The following UNC79 variants were observed in gnomAD, a reference collection of about 807,000 sequenced individuals.
UNC79 encodes protein unc-79 homolog.
In UNC79, 37 loss-of-function variants were observed where a neutral mutation model predicts 283.1. That is an observed-to-expected ratio of 0.13 (90% confidence interval 0.10 to 0.17). The LOEUF is 0.17. Ranked by LOEUF, UNC79 falls within the 10% of genes least tolerant of loss-of-function variation. The pLI is 1.00. For missense variants in UNC79, 2,272 were observed against 3,211.1 expected (o/e 0.71, Z 7.07); for synonymous variants, 1,107 against 1,200.2 (o/e 0.92, Z 1.61).
At chr14:93,698,476 G>GATTT (rs1555408706) in intron 47 of UNC79, among the ~76,000 whole-genome samples, 131 of 79,104 alleles carry the variant, frequency 1.7e-3, no homozygotes, top group African/African-American at 3.4e-3. Context: ...TTTAGTTTAG[G>GATTT]TTTTTTTTTT....
chr14:93,637,096 A>G (rs2068571372), intron 31 of UNC79, 120 bp from the exon 35 acceptor site: 3 of 714,908 alleles, frequency 4.2e-6, no homozygotes, highest in East Asian at 5.1e-5. Context: ...GTAAATGTTA[A>G]TAATACATAG....
chr14:93,503,144 T>C (rs1370838046), intron 7 of UNC79, among the ~76,000 whole-genome samples: 1 of 152,260 alleles, frequency 6.6e-6, no homozygotes, highest in Non-Finnish European at 1.5e-5. Flanking sequence ...TTGTCTGTTT[T>C]AGAATTTTAT....
At chr14:93,676,321 A>G (rs1001430449) in intron 41 of UNC79, among the ~76,000 whole-genome samples, 1 of 152,132 alleles carries the variant, frequency 6.6e-6, no homozygotes, top group African/African-American at 2.4e-5. Context: ...TCGCCTCTCA[A>G]GGTGCTGGGA....
intron 14 of UNC79, among the ~76,000 whole-genome samples, chr14:93,567,509 G>A (rs2062963537): frequency 6.6e-6 from 1 of 152,110 alleles, no homozygotes; most frequent in Admixed American, 6.5e-5. Context: ...TTACCGGTGT[G>A]AGCCACCATG....
intron 1 of UNC79, among the ~76,000 whole-genome samples, chr14:93,341,803 C>T (rs1220359711): frequency 6.6e-6 from 1 of 152,160 alleles, no homozygotes; most frequent in African/African-American, 2.4e-5. Context: ...CCACAGTTAA[C>T]CCAACAGGGC....
chr14:93,415,878 AT>A (rs1215976036), intron 1 of UNC79, among the ~76,000 whole-genome samples: 2 of 151,858 alleles, frequency 1.3e-5, no homozygotes. Context: ...CCCCTTTATC[AT>A]TTTTTATTGC....
intron 40 of UNC79, among the ~76,000 whole-genome samples, chr14:93,671,061 T>C (rs957590713): frequency 2.0e-5 from 3 of 152,216 alleles, no homozygotes; most frequent in Non-Finnish European, 4.4e-5. Flanking sequence ...GGGGGACTGA[T>C]TGATTAATTT....
intron 1 of UNC79, among the ~76,000 whole-genome samples, chr14:93,383,320 G>A (rs577004335): frequency 1.3e-5 from 2 of 152,248 alleles, no homozygotes; most frequent in Non-Finnish European, 1.5e-5. Flanking sequence ...AAATGGTTAT[G>A]GGTGGGTAGG....
chr14:93,640,763 G>A (rs905609534), intron 32 of UNC79, among the ~76,000 whole-genome samples: 1 of 152,226 alleles, frequency 6.6e-6, no homozygotes, highest in African/African-American at 2.4e-5. Flanking sequence ...TTTTAGAAAT[G>A]CAGTATCATA....
At chr14:93,406,726 G>A (rs576806884) in intron 1 of UNC79, among the ~76,000 whole-genome samples, 3 of 152,298 alleles carry the variant, frequency 2.0e-5, no homozygotes, top group East Asian at 1.9e-4. Context: ...CACACAAAGA[G>A]CTTGGAAGTT....
intron 30 of UNC79, among the ~76,000 whole-genome samples, chr14:93,623,699 C>A (rs2067314656): frequency 6.6e-6 from 1 of 152,158 alleles, no homozygotes; most frequent in Admixed American, 6.5e-5. Flanking sequence ...TCAAGACCAT[C>A]CTGGCCAACA....
chr14:93,513,006 A>G (rs2059898249), intron 7 of UNC79, among the ~76,000 whole-genome samples: 1 of 151,916 alleles, frequency 6.6e-6, no homozygotes, highest in Non-Finnish European at 1.5e-5. Context: ...AAAGCATTGT[A>G]TTTTGTGTTT....
intron 24 of UNC79, among the ~76,000 whole-genome samples, chr14:93,598,402 GTGTGTGT>G (rs751352932): frequency 2.3e-3 from 343 of 151,344 alleles, no homozygotes; most frequent in Middle Eastern, 6.9e-3. Flanking sequence ...GTGTGTGTGT[GTGTGTGT>G]GGCAGATTTT....
chr14:93,597,663 GT>G, intron 24 of UNC79, 123 bp downstream of exon 24: 2 of 1,100,170 alleles, frequency 1.8e-6, no homozygotes, highest in Non-Finnish European at 2.5e-6. Flanking sequence ...AAACTGGGTA[GT>G]TTATAAACAA....
intron 1 of UNC79, among the ~76,000 whole-genome samples, chr14:93,361,779 AG>A (rs1193941581): frequency 6.6e-6 from 1 of 152,126 alleles, no homozygotes; most frequent in East Asian, 1.9e-4. Flanking sequence ...CTGGTTCTCA[AG>A]GGGAATGCTT....
chr14:93,436,293 T>G (rs890298491), intron 1 of UNC79, among the ~76,000 whole-genome samples: 1 of 152,218 alleles, frequency 6.6e-6, no homozygotes, highest in Non-Finnish European at 1.5e-5. Context: ...TAAATAAAAC[T>G]ACAGTTGTCA....
chr14:93,644,365 G>A (rs1036979673), intron 34 of UNC79, among the ~76,000 whole-genome samples: 10 of 152,158 alleles, frequency 6.6e-5, no homozygotes, highest in Non-Finnish European at 1.3e-4. Flanking sequence ...TAGTCTTAGC[G>A]TGCACAACTT....
chr14:93,593,617 C>T, intron 22 of UNC79, 63 bp from the exon 23 acceptor site: 2 of 1,549,064 alleles, frequency 1.3e-6, no homozygotes, highest in Non-Finnish European at 1.7e-6. Flanking sequence ...ATTAAGAGGA[C>T]AGGATCTTTT....
chr14:93,621,187 C>T lies in UNC79; in HGVS notation c.4388-434C>T, dbSNP rs2067104238. ...TATGCACAAACAGTATATATATATA[C>T]ACATTTATATATATACGTGAATCGA... On this transcript the variant is annotated intron_variant, in intron 29 of 48. Coordinates refer to ENST00000555664, the Ensembl canonical transcript of UNC79. The surrounding 1 kb of genome is among the most constrained non-coding windows in gnomAD (Gnocchi z 4.8). The T allele has an allele frequency of 3.2e-6, 1 of 311,700 alleles. No homozygotes were observed. The highest frequency in any genetic ancestry group is 6.3e-6 in the Non-Finnish European group (1 of 157,672). 19.3% of individuals were successfully genotyped at this position (311,700 alleles called of 1,614,324 possible).
Sources: allele counts gnomAD v4.1 joint callset (sites outside exome capture counted in the v4.1 genomes callset), GRCh38; gene constraint gnomAD v4.1.1; non-coding constraint Gnocchi (gnomAD v3.1); transcripts MANE v1.5; gene names NCBI Gene and HGNC (gene_info 2026-07-23, HGNC 2026-07-21).